HDAC9: variants seen among roughly 807,000 people sequenced by gnomAD.
HDAC9 encodes MEF-2 interacting transcription repressor (MITR) protein.
Under a neutral mutation model 139.4 loss-of-function variants are expected in HDAC9, and 41 were observed. The observed-to-expected ratio is 0.29, with a 90% CI of 0.23 to 0.38. The LOEUF (loss-of-function observed/expected upper bound fraction) is 0.38. Ranked by LOEUF, HDAC9 falls within the 10% of genes least tolerant of loss-of-function variation. The pLI is 1.00. For missense variants in HDAC9, 1,147 were observed against 1,297.0 expected (o/e 0.88, Z 1.78); for synonymous variants, 517 against 476.2 (o/e 1.09, Z -1.12).
intron 6 of HDAC9, among the ~76,000 whole-genome samples, chr7:18,611,615 G>C (rs1482892882): frequency 6.6e-6 from 1 of 151,946 alleles, no homozygotes; most frequent in Non-Finnish European, 1.5e-5. Flanking sequence ...TTCAGAATCT[G>C]GTCTCTTAAC....
At chr7:18,329,697 A>G (rs581820) in intron 1 of HDAC9, among the ~76,000 whole-genome samples, 27,719 of 151,634 alleles carry the variant, frequency 0.18, 2,660 homozygotes, top group East Asian at 0.27. Context: ...GGGCCAGAGT[A>G]TAATTCCTGT....
intron 22 of HDAC9, among the ~76,000 whole-genome samples, chr7:18,910,778 C>A (rs1802671665): frequency 6.6e-6 from 1 of 151,812 alleles, no homozygotes; most frequent in African/African-American, 2.4e-5. Context: ...CTAAGTTGAA[C>A]CATCCTTGCA....
chr7:18,688,859 A>G (rs968649721), intron 12 of HDAC9, among the ~76,000 whole-genome samples: 2 of 151,968 alleles, frequency 1.3e-5, no homozygotes, highest in African/African-American at 4.8e-5. Context: ...ATATCTTTCC[A>G]TGAGACACTT....
chr7:18,288,968 G>A (rs560137581), upstream of HDAC9, among the ~76,000 whole-genome samples: 1 of 152,234 alleles, frequency 6.6e-6, no homozygotes, highest in East Asian at 1.9e-4. Context: ...GGACAATGAA[G>A]CAAAGTTCTC....
chr7:18,128,706 G>T (rs1243299008), intron 1 of HDAC9, among the ~76,000 whole-genome samples: 1 of 151,662 alleles, frequency 6.6e-6, no homozygotes, highest in Non-Finnish European at 1.5e-5. Flanking sequence ...AAATTGAATG[G>T]CATGTTTTAC....
At chr7:18,121,008 C>T (rs1192436861) in intron 1 of HDAC9, among the ~76,000 whole-genome samples, 3 of 152,096 alleles carry the variant, frequency 2.0e-5, no homozygotes, top group Non-Finnish European at 4.4e-5. Flanking sequence ...GGCCAAATTG[C>T]ATTTTAGAGA....
At chr7:18,107,863 A>G (rs1783333292) in intron 1 of HDAC9, among the ~76,000 whole-genome samples, 2 of 152,172 alleles carry the variant, frequency 1.3e-5, no homozygotes, top group African/African-American at 4.8e-5. Context: ...ATACTTAGTT[A>G]TTTATAAGTA....
chr7:18,187,409 T>G (rs1789998126), intron 2 of HDAC9, among the ~76,000 whole-genome samples: 1 of 152,248 alleles, frequency 6.6e-6, no homozygotes, highest in Non-Finnish European at 1.5e-5. Flanking sequence ...TGGCTTTTCT[T>G]GTGACCATTT....
At chr7:18,413,650 T>A (rs1788779751) in intron 1 of HDAC9, among the ~76,000 whole-genome samples, 1 of 152,144 alleles carries the variant, frequency 6.6e-6, no homozygotes, top group Non-Finnish European at 1.5e-5. Flanking sequence ...ATTTGCTTGG[T>A]AGACAAAATT....
chr7:18,353,342 C>G (rs149005427), intron 1 of HDAC9, among the ~76,000 whole-genome samples: 2 of 152,052 alleles, frequency 1.3e-5, no homozygotes, highest in East Asian at 3.9e-4. Context: ...AGCCTAAGAT[C>G]TCATAACTCC....
intron 1 of HDAC9, among the ~76,000 whole-genome samples, chr7:18,366,498 G>T (rs1193431816): frequency 6.6e-6 from 1 of 152,054 alleles, no homozygotes; most frequent in Non-Finnish European, 1.5e-5. Flanking sequence ...CATGGGTTCT[G>T]GTCCTTCAGT....
intron 6 of HDAC9, among the ~76,000 whole-genome samples, chr7:18,605,192 A>G (rs1297173172): frequency 2.6e-5 from 4 of 152,078 alleles, no homozygotes; most frequent in African/African-American, 7.2e-5. Context: ...TGTGTCCTGT[A>G]GCTCCCTCAG....
At chr7:18,994,833 G>A (rs1007765703) in intron 25 of HDAC9, among the ~76,000 whole-genome samples, 6 of 152,104 alleles carry the variant, frequency 3.9e-5, no homozygotes, top group African/African-American at 1.4e-4. Context: ...AACATAGCAT[G>A]TTTTCCTAAT....
At chr7:18,555,217 A>G (rs116284245) in intron 2 of HDAC9, among the ~76,000 whole-genome samples, 2,102 of 152,318 alleles carry the variant, frequency 0.014, 47 homozygotes, top group African/African-American at 0.048. Context: ...GTAGGTATCA[A>G]GAGATTTACA....
In HDAC9 at chr7:18,444,341, GAAAAAAA is replaced by G. The variant is rs754142568; in HGVS notation, c.-41-51901_-41-51895del. Among the ~76,000 whole-genome samples the G allele has an allele frequency of 1.1e-3, 38 of 35,168 alleles. 1 individual carries two copies. The highest frequency in any genetic ancestry group is 2.7e-3 in the African/African-American group (25 of 9,150). 23.1% of individuals were successfully genotyped at this position (35,168 alleles called of 152,430 possible). On this transcript the variant is annotated intron_variant, in intron 1 of 3. Transcript: ENST00000413509. ...TAGGTGACAGAGTGAGACCCTGTCTGAAAAAAAAAAAAAAAAAAAAAAAAAAGAGTGA... is the reference window on the plus strand; with the variant it reads ...TAGGTGACAGAGTGAGACCCTGTCTGAAAAAAAAAAAAAAAAAAAGAGTGA...
At chr7:18,385,369 C>G (rs1054866048) in intron 1 of HDAC9, among the ~76,000 whole-genome samples, 2 of 151,932 alleles carry the variant, frequency 1.3e-5, no homozygotes, top group African/African-American at 2.4e-5. Flanking sequence ...GATAATAACA[C>G]CATAAGAAAT....
chr7:18,727,663 A>G lies in HDAC9; in HGVS notation c.1815A>G (p.Lys605=). 1.9e-6 allele frequency: 3 copies of G among 1,592,840 alleles called. No individual in the cohort carries two copies. Among genetic ancestry groups the G allele is most frequent in the Non-Finnish European group, 2.6e-6 (3 of 1,172,288 alleles). Residue 605 remains lysine, a synonymous_variant, in exon 13 of 26, where the codon AAA becomes AAG. Coordinates refer to ENST00000686413, the MANE Select transcript of HDAC9 (RefSeq NM_178425.4). The part of the protein sequence containing the change: ...LAAVGMDGLE[K]HRLVSRTHSS... The stretch of plus-strand genomic sequence containing the variant: ...CGGTTGGCATGGATGGATTAGAGAA[A>G]CACCGTCTCGTCTCCAGGACTCACT...
At chr7:18,767,001 C>G in intron 15 of HDAC9, 105 bp from the exon 16 acceptor site, 1 of 492,218 alleles carries the variant, frequency 2.0e-6, no homozygotes, top group Non-Finnish European at 3.6e-6. Flanking sequence ...TTGCATCAAA[C>G]GATAAATACC....
chr7:18,169,162 C>T (rs1356775342), intron 2 of HDAC9, among the ~76,000 whole-genome samples: 2 of 152,070 alleles, frequency 1.3e-5, no homozygotes, highest in African/African-American at 4.8e-5. Context: ...GTTTTGAACT[C>T]CTGACCTCAG....
Sources: allele counts gnomAD v4.1 joint callset (sites outside exome capture counted in the v4.1 genomes callset), GRCh38; gene constraint gnomAD v4.1.1; transcripts MANE v1.5; gene names NCBI Gene and HGNC (gene_info 2026-07-23, HGNC 2026-07-21).